TRPC6: variants seen among roughly 807,000 people sequenced by gnomAD.
The protein encoded by TRPC6 is short transient receptor potential channel 6.
TRPC6 carries 55 observed loss-of-function variants against 90.7 expected under a neutral mutation model. The ratio of observed to expected loss-of-function variants is 0.61; its 90% CI spans 0.49 to 0.76. The LOEUF (loss-of-function observed/expected upper bound fraction) is 0.76, where lower values mean the gene tolerates loss of function less well. Among genes scored for constraint, TRPC6 ranks in the 30% least tolerant of loss-of-function variants. TRPC6 has a pLI of 0.00. For synonymous variants in TRPC6, 393 were observed against 393.0 expected (o/e 1.00, Z 0.00); for missense variants, 989 against 1,122.7 (o/e 0.88, Z 1.70).
chr11:101,542,406 T>C (rs1861195703), intron 1 of TRPC6, among the ~76,000 whole-genome samples: 1 of 152,214 alleles, frequency 6.6e-6, no homozygotes, highest in East Asian at 1.9e-4. Flanking sequence ...GGGACAGATC[T>C]AGCTTTGTTA....
chr11:101,581,821 G>GA (rs1442909930), intron 1 of TRPC6, among the ~76,000 whole-genome samples: 1 of 152,174 alleles, frequency 6.6e-6, no homozygotes, highest in African/African-American at 2.4e-5. Flanking sequence ...CAGAAATGGA[G>GA]AATCTTGGGC....
rs530002485 is a variant in TRPC6 at position 101,557,633 on chromosome 11, A to C, written c.170+25701T>G. ...TCTACTAATTCCACACACACACAAA[A>C]AAAAACCTGTTATAACAAATGAATA... On this transcript the variant is annotated intron_variant, in intron 1 of 12. Coordinates refer to ENST00000344327, the MANE Select transcript of TRPC6 (RefSeq NM_004621.6). 2.4e-3 allele frequency among the ~76,000 whole-genome samples: 353 copies of C among 148,830 alleles called. 2 individuals carry two copies. Among genetic ancestry groups the C allele is most frequent in the African/African-American group, 7.7e-3 (312 of 40,406 alleles).
At chr11:101,557,645 A>G (rs1565242737) in intron 1 of TRPC6, among the ~76,000 whole-genome samples, 1 of 152,202 alleles carries the variant, frequency 6.6e-6, no homozygotes, top group African/African-American at 2.4e-5. Context: ...AAAACCTGTT[A>G]TAACAAATGA....
chr11:101,502,638 C>A (rs1356341772), intron 2 of TRPC6, among the ~76,000 whole-genome samples: 2 of 152,126 alleles, frequency 1.3e-5, no homozygotes, highest in East Asian at 1.9e-4. Flanking sequence ...AGGTGAAAGT[C>A]TCTGTGTCCT....
intron 1 of TRPC6, among the ~76,000 whole-genome samples, chr11:101,538,382 G>T (rs1729070848): frequency 6.6e-6 from 1 of 152,066 alleles, no homozygotes; most frequent in Non-Finnish European, 1.5e-5. Flanking sequence ...ATGTCACAAA[G>T]CTCCCTCTTC....
chr11:101,558,551 C>T (rs747215382), intron 1 of TRPC6, among the ~76,000 whole-genome samples: 1 of 150,106 alleles, frequency 6.7e-6, no homozygotes, highest in Non-Finnish European at 1.5e-5. Flanking sequence ...TATGTATGGT[C>T]GATTGATTTT....
intron 1 of TRPC6, among the ~76,000 whole-genome samples, chr11:101,551,184 C>G (rs1861441015): frequency 6.6e-6 from 1 of 151,830 alleles, no homozygotes; most frequent in South Asian, 2.1e-4. Context: ...ATAAATAGTT[C>G]AATTTCAAAC....
In TRPC6 at chr11:101,491,833, A is replaced by ATTTTTTTTTTTTTTTTTTTTTTTTTT. The variant is rs200869151; in HGVS notation, c.946-96_946-95insAAAAAAAAAAAAAAAAAAAAAAAAAA. 26 of 764,496 alleles carry ATTTTTTTTTTTTTTTTTTTTTTTTTT rather than the reference A, an allele frequency of 3.4e-5. 5 individuals are homozygous for ATTTTTTTTTTTTTTTTTTTTTTTTTT. The African/African-American group carries it at 7.0e-4, about 20-fold the overall frequency. The allele number at this position is 764,496 out of a possible 1,614,324, so 47.4% of individuals were successfully genotyped here. On this transcript the variant is annotated intron_variant, in intron 2 of 12. Transcript: ENST00000344327. ...AAGGATTTTATACTTTAAGAGAAAC[A>ATTTTTTTTTTTTTTTTTTTTTTTTTT]TTCTTTTTTTTTTTTTTTTTTTTTT... is the stretch of plus-strand genomic sequence containing the variant.
chr11:101,566,434 A>G (rs1419946405), intron 1 of TRPC6, among the ~76,000 whole-genome samples: 2 of 152,226 alleles, frequency 1.3e-5, no homozygotes, highest in Admixed American at 1.3e-4. Context: ...AAATAAAAAC[A>G]AAAAAGATGT....
chr11:101,516,336 A>AAAAT (rs1860522248), intron 1 of TRPC6, among the ~76,000 whole-genome samples: 1 of 152,096 alleles, frequency 6.6e-6, no homozygotes, highest in South Asian at 2.1e-4. Flanking sequence ...CACATGCTGA[A>AAAAT]AAGAACTACA....
chr11:101,453,747 A>G (rs754926829), intron 11 of TRPC6, 22 bp from the exon 12 acceptor site: 2 of 1,603,272 alleles, frequency 1.2e-6, no homozygotes, highest in Non-Finnish European at 1.7e-6. Flanking sequence ...AGAAAGGAGA[A>G]ATCTATGTCA....
chr11:101,582,908 T>A (rs2136908470), intron 1 of TRPC6, among the ~76,000 whole-genome samples: 1 of 152,092 alleles, frequency 6.6e-6, no homozygotes. Context: ...GGAGTTCTAG[T>A]CATCTCTCCC....
intron 1 of TRPC6, among the ~76,000 whole-genome samples, chr11:101,538,541 G>A (rs560935272): frequency 4.6e-5 from 7 of 152,188 alleles, no homozygotes; most frequent in East Asian, 1.9e-4. Context: ...AGTATGTTAC[G>A]TTACATGGCA....
intron 6 of TRPC6, among the ~76,000 whole-genome samples, chr11:101,475,320 G>A (rs944773690): frequency 3.3e-5 from 5 of 151,912 alleles, no homozygotes; most frequent in African/African-American, 1.2e-4. Context: ...ATATATCTAT[G>A]GGGCACAACT....
chr11:101,576,873 A>G (rs933341288), intron 1 of TRPC6, among the ~76,000 whole-genome samples: 1 of 152,204 alleles, frequency 6.6e-6, no homozygotes, highest in Admixed American at 6.5e-5. Flanking sequence ...TTTTAAGCAC[A>G]TCTGGCAATC....
At chr11:101,551,311 G>A (rs1475092110) in intron 1 of TRPC6, among the ~76,000 whole-genome samples, 1 of 151,922 alleles carries the variant, frequency 6.6e-6, no homozygotes, top group Non-Finnish European at 1.5e-5. Flanking sequence ...CAACCATAAA[G>A]TATTAAAGAA....
intron 1 of TRPC6, among the ~76,000 whole-genome samples, chr11:101,577,665 G>A (rs1862100318): frequency 6.6e-6 from 1 of 152,174 alleles, no homozygotes; most frequent in Non-Finnish European, 1.5e-5. Context: ...CTCGCTGCCA[G>A]ATAGATAATG....
chr11:101,543,812 A>C (rs12802352), intron 1 of TRPC6, among the ~76,000 whole-genome samples: 11,167 of 152,264 alleles, frequency 0.073, 553 homozygotes, highest in Non-Finnish European at 0.11. Context: ...ACCATTTAGG[A>C]CATAGGCATG....
chr11:101,526,776 A>C (rs1281429003), intron 1 of TRPC6, among the ~76,000 whole-genome samples: 4 of 147,796 alleles, frequency 2.7e-5, no homozygotes, highest in African/African-American at 7.5e-5. Context: ...AGGCAGGAGA[A>C]TCTCGTCAAC....
Sources: allele counts gnomAD v4.1 joint callset (sites outside exome capture counted in the v4.1 genomes callset), GRCh38; gene constraint gnomAD v4.1.1; transcripts MANE v1.5; gene names NCBI Gene and HGNC (gene_info 2026-07-23, HGNC 2026-07-21).